The following CLDND1 variants were observed in gnomAD, a reference collection of about 807,000 sequenced individuals.
The protein encoded by CLDND1 is claudin domain containing 1.
Under a neutral mutation model 26.3 loss-of-function variants are expected in CLDND1, and 13 were observed. The observed-to-expected ratio is 0.49, with a 90% CI of 0.32 to 0.78. The LOEUF (loss-of-function observed/expected upper bound fraction) is 0.78. Among genes scored for constraint, CLDND1 ranks in the 30% least tolerant of loss-of-function variants. The pLI, the probability that CLDND1 is intolerant of heterozygous loss-of-function variation, is 0.03. For missense variants in CLDND1, 289 were observed against 312.8 expected (o/e 0.92, Z 0.57); for synonymous variants, 107 against 107.0 (o/e 1.00, Z 0.00).
chr3:98,518,123 T>C (rs748685102), intron 3 of CLDND1, among the ~76,000 whole-genome samples: 5 of 152,198 alleles, frequency 3.3e-5, no homozygotes, highest in Non-Finnish European at 5.9e-5. Flanking sequence ...TAGAAATGCA[T>C]TCATATCAAT....
Position 98,516,896 on chromosome 3 carries a change from G to GAAAAC in CLDND1, c.542-22_542-18dup, listed in dbSNP as rs773917813. 18 of 1,613,412 alleles carry GAAAAC rather than the reference G, an allele frequency of 1.1e-5. No individual in the cohort carries two copies. The Middle Eastern group carries it at 8.3e-4, about 74-fold the overall frequency. On this transcript the variant is annotated splice_polypyrimidine_tract_variant and intron_variant, in intron 4 of 4. Transcript: ENST00000341181. ...TACACAGACCTTGGGGGAAAATTTA[G>GAAAAC]AAAACAAAACAAAACATGGCTGGAT...
Position 98,522,696 on chromosome 3 carries a change from G to C in CLDND1, c.-19+153C>G, listed in dbSNP as rs377568504. The stretch of plus-strand genomic sequence containing the variant: ...CCAGGGTCCCCCGGTACCCGACCAG[G>C]CCCCGCCCTAGAGGGCTCGGCCCTG... On this transcript the variant is annotated intron_variant, in intron 1 of 4. Transcript: ENST00000341181. The C allele has an allele frequency of 1.6e-5, 24 of 1,486,130 alleles. No individual in the cohort carries two copies. The East Asian group carries it at 6.0e-4, about 37-fold the overall frequency. The allele number at this position is 1,486,130 out of a possible 1,614,324, so 92.1% of individuals were successfully genotyped here. A position where few individuals can be genotyped will look rare whatever the true frequency, so the allele number is the denominator to read the frequency against.
In CLDND1 at chr3:98,517,108, C is replaced by T; in HGVS notation, c.485G>A (p.Cys162Tyr). ...GGTGGGATATAAGCTTCGGCAAATG[C>T]AAGCACAAAGTCCGATCAAAGCCCC... ...CFGALIGLCA[C>Y]ICRSLYPTIA... is the part of the protein sequence containing the mutation. Residue 162 changes from cysteine to tyrosine, a missense_variant, in exon 4 of 5, where the codon TGC becomes TAC. Cys to Tyr is a radical substitution (Grantham distance 194). Transcript: ENST00000341181. 1 of 1,614,114 alleles carries T rather than the reference C, an allele frequency of 6.2e-7. No homozygotes were observed. The highest frequency in any genetic ancestry group is 8.5e-7 in the Non-Finnish European group (1 of 1,179,998).
chr3:98,522,876 A>G lies in CLDND1; in HGVS notation c.-46T>C. 16 of 1,613,138 alleles carry G rather than the reference A, an allele frequency of 9.9e-6. No individual in the cohort carries two copies. The highest frequency in any genetic ancestry group is 1.3e-5 in the Non-Finnish European group (15 of 1,179,532). On this transcript the variant is annotated 5_prime_UTR_variant, in exon 1 of 5. Coordinates refer to ENST00000341181, the MANE Select transcript of CLDND1 (RefSeq NM_001040181.2). ...CCCATCCTCCTGCTCCGCCAGCTTCACCCTCTAGCTCAGACCACAGCACCC... is the reference window on the plus strand; with the variant it reads ...CCCATCCTCCTGCTCCGCCAGCTTCGCCCTCTAGCTCAGACCACAGCACCC...
chr3:98,521,463 GAAGAT>G (rs1559655679), intron 1 of CLDND1, 21 bp from the exon 2 acceptor site: 1 of 1,597,968 alleles, frequency 6.3e-7, no homozygotes, highest in Non-Finnish European at 8.5e-7. Context: ...GTTGAAGAAA[GAAGAT>G]AAGTTAGAGT....
chr3:98,522,805 C>T, intron 1 of CLDND1, 44 bp downstream of exon 1: 1 of 1,613,548 alleles, frequency 6.2e-7, no homozygotes, highest in Admixed American at 1.7e-5. Flanking sequence ...AACATGGAAC[C>T]GCGACGCGAC....
rs773515029 is a variant in CLDND1, at chr3:98,517,085, T to C, written c.508A>G (p.Thr170Ala). ...CACICRSLYP[T>A]IATGILHLLA... The stretch of plus-strand genomic sequence containing the variant: ...AGATGGAGAATGCCCGTGGCAATGG[T>C]GGGATATAAGCTTCGGCAAATGCAA... The change falls in exon 4 of 5, where the codon ACC becomes GCC. Residue 170 changes from threonine to alanine, a missense_variant. Physicochemically the swap from Thr to Ala is moderately conservative, Grantham distance 58. Transcript: ENST00000341181. 2 of 1,613,990 alleles carry C rather than the reference T, an allele frequency of 1.2e-6. No individual in the cohort carries two copies. The highest frequency in any genetic ancestry group is 1.7e-6 in the Non-Finnish European group (2 of 1,179,974).
At chr3:98,519,976 T>C (rs1706332903) in intron 2 of CLDND1, among the ~76,000 whole-genome samples, 1 of 152,268 alleles carries the variant, frequency 6.6e-6, no homozygotes, top group African/African-American at 2.4e-5. Context: ...TTTTCCCACA[T>C]ATTTCCAAAT....
At position 98,515,591 on chromosome 3, in the gene CLDND1, T is replaced by G. The variant is rs959370417; in HGVS notation, c.*1068A>C. On this transcript the variant is annotated 3_prime_UTR_variant, in exon 5 of 5. Transcript: ENST00000341181. ...TCAATTGCTACAGTAGTGGAATAAA[T>G]AAATAAGTTTTTTAAAGTTCAATGT... 8.6e-6 allele frequency: 9 copies of G among 1,049,226 alleles called. No homozygotes were observed. The highest frequency in any genetic ancestry group is 1.1e-5 in the Non-Finnish European group (9 of 840,636). 65.0% of individuals were successfully genotyped at this position (1,049,226 alleles called of 1,614,324 possible). A position where few individuals can be genotyped will look rare whatever the true frequency, so the allele number is the denominator to read the frequency against.
rs139531675 is a variant in CLDND1 at position 98,520,975 on chromosome 3, T to C, written c.292+158A>G. Reference sequence around the variant, plus strand: ...TGAGTACCATGGTAATGCAAAGAAGTTGGGGAGAGAAGGCAGTAGAAAGAG... The same window carrying C: ...TGAGTACCATGGTAATGCAAAGAAGCTGGGGAGAGAAGGCAGTAGAAAGAG... On this transcript the variant is annotated intron_variant, in intron 2 of 4. Transcript: ENST00000341181. 1.0e-4 allele frequency: 67 copies of C among 644,282 alleles called. No homozygotes were observed. In the African/African-American group the frequency reaches 1.1e-3, roughly 10 times the overall value. The allele number at this position is 644,282 out of a possible 1,614,324, so 39.9% of individuals were successfully genotyped here.
rs1706137328 is a variant in CLDND1, at chr3:98,516,375, C to T, written c.*284G>A. 2.6e-6 allele frequency: 3 copies of T among 1,163,230 alleles called. No homozygotes were observed. The highest frequency in any genetic ancestry group is 5.2e-5 in the South Asian group (2 of 38,344). The allele number at this position is 1,163,230 out of a possible 1,614,324, so 72.1% of individuals were successfully genotyped here. On this transcript the variant is annotated 3_prime_UTR_variant, in exon 5 of 5. Transcript: ENST00000341181. ...GCACAACTTGTTTTCGGTCACATTC[C>T]TACTCCCAATTTTCTTTCATAAATT...
rs1706149811 is a variant in CLDND1, at chr3:98,516,625, A to G, written c.*34T>C. 1.3e-6 allele frequency: 2 copies of G among 1,577,352 alleles called. No individual in the cohort carries two copies. Among genetic ancestry groups the G allele is most frequent in the East Asian group, 2.3e-5 (1 of 44,372 alleles). ...AATATCAGTATTATTTTAAAAAAATAAAAATGGCAATTGTAAAGCAGGCAG... is the reference window on the plus strand; with the variant it reads ...AATATCAGTATTATTTTAAAAAAATGAAAATGGCAATTGTAAAGCAGGCAG... On this transcript the variant is annotated 3_prime_UTR_variant, in exon 5 of 5. Transcript: ENST00000341181.
intron 1 of CLDND1, chr3:98,521,809 T>G (rs542327848): frequency 2.0e-4 from 188 of 927,926 alleles, no homozygotes; most frequent in Non-Finnish European, 2.9e-4. Flanking sequence ...ACAGACTGAA[T>G]TTTTGCACGA....
intron 3 of CLDND1, among the ~76,000 whole-genome samples, chr3:98,518,229 A>C (rs1706241404): frequency 6.6e-6 from 1 of 152,160 alleles, no homozygotes; most frequent in African/African-American, 2.4e-5. Flanking sequence ...TCCTAGTAAT[A>C]AACTGCTTGC....
chr3:98,519,175 C>A (rs1414210719), intron 2 of CLDND1, among the ~76,000 whole-genome samples, 180 bp from the exon 3 acceptor site: 2 of 152,154 alleles, frequency 1.3e-5, no homozygotes, highest in African/African-American at 4.8e-5. Flanking sequence ...TTCTCAGTGG[C>A]AGGCTGAAGA....
At position 98,518,860 on chromosome 3, in the gene CLDND1, G is replaced by C. The variant is rs537389545; in HGVS notation, c.403+25C>G. On this transcript the variant is annotated intron_variant, in intron 3 of 4. Coordinates refer to ENST00000341181, the MANE Select transcript of CLDND1 (RefSeq NM_001040181.2). ...TAAAATTATCTTTGTTCCCCCAACT[G>C]TCCTGGTGAAATCAAAGTACTCACA... 249 of 1,296,904 alleles carry C rather than the reference G, an allele frequency of 1.9e-4. 1 individual carries two copies. The South Asian group carries it at 2.8e-3, about 15-fold the overall frequency. 80.3% of individuals were successfully genotyped at this position (1,296,904 alleles called of 1,614,324 possible).
Position 98,518,924 on chromosome 3 carries a change from G to A in CLDND1, c.364C>T (p.Pro122Ser). 2 of 1,613,626 alleles carry A rather than the reference G, an allele frequency of 1.2e-6. No homozygotes were observed. Among genetic ancestry groups the A allele is most frequent in the Non-Finnish European group, 1.7e-6 (2 of 1,179,576 alleles). Residue 122 changes from proline to serine, a missense_variant, in exon 3 of 5, where the codon CCC becomes TCC. By Grantham distance (74) the Pro-to-Ser change is moderately conservative (BLOSUM62 -1). Transcript: ENST00000341181. ...TCAATCCCGCTATTGTGGTTTCCGG[G>A]ATCAACAAATTTCTCCATGAACTGC... ...TEQFMEKFVD[P>S]GNHNSGIDLL...
At chr3:98,522,706 A>G in intron 1 of CLDND1, 143 bp downstream of exon 1, 1 of 1,523,048 alleles carries the variant, frequency 6.6e-7, no homozygotes, top group Non-Finnish European at 8.8e-7. Flanking sequence ...GCCCCGCCCT[A>G]GAGGGCTCGG....
chr3:98,517,012 C>T, intron 4 of CLDND1, 40 bp downstream of exon 4: 1 of 1,611,958 alleles, frequency 6.2e-7, no homozygotes, highest in Non-Finnish European at 8.5e-7. Flanking sequence ...CCTAAAGAGA[C>T]AGGAAGAAGC....
Sources: allele counts gnomAD v4.1 joint callset (sites outside exome capture counted in the v4.1 genomes callset), GRCh38; gene constraint gnomAD v4.1.1; transcripts MANE v1.5; gene names NCBI Gene and HGNC (gene_info 2026-07-23, HGNC 2026-07-21).